Variants in WDFY2 observed in about 807,000 individuals in gnomAD.
WDFY2 encodes the protein WD repeat and FYVE domain containing 2.
WDFY2 carries 36 observed loss-of-function variants against 56.4 expected under a neutral mutation model. That is an observed-to-expected ratio of 0.64 (90% CI 0.49 to 0.84). The LOEUF (loss-of-function observed/expected upper bound fraction) is 0.84, where lower values mean the gene tolerates loss of function less well. Among genes scored for constraint, WDFY2 ranks in the 40% least tolerant of loss-of-function variants. The pLI is 0.00. For missense variants in WDFY2, 444 were observed against 512.2 expected (o/e 0.87, Z 1.29); for synonymous variants, 176 against 183.7 (o/e 0.96, Z 0.34).
intron 1 of WDFY2, among the ~76,000 whole-genome samples, chr13:51,653,907 G>A (rs969246600): frequency 1.3e-5 from 2 of 152,338 alleles, no homozygotes; most frequent in East Asian, 3.9e-4. Flanking sequence ...GCTGTGTGCT[G>A]GGAGAACCAC....
chr13:51,593,023 C>G (rs866920337), intron 1 of WDFY2, among the ~76,000 whole-genome samples: 3 of 152,206 alleles, frequency 2.0e-5, no homozygotes, highest in African/African-American at 7.2e-5. Flanking sequence ...TCCCTTAGCA[C>G]AGTGACTGTT....
At chr13:51,593,727 C>T (rs917143054) in intron 1 of WDFY2, among the ~76,000 whole-genome samples, 2 of 151,964 alleles carry the variant, frequency 1.3e-5, no homozygotes, top group African/African-American at 4.8e-5. Context: ...TCCATTTCTC[C>T]ATTGAAGTCT....
chr13:51,709,249 G>C (rs1308250985), intron 4 of WDFY2, among the ~76,000 whole-genome samples: 1 of 152,060 alleles, frequency 6.6e-6, no homozygotes, highest in Non-Finnish European at 1.5e-5. Context: ...TATTTATCAA[G>C]ACAGACAATA....
At chr13:51,741,013 G>A (rs1019658354) in intron 7 of WDFY2, among the ~76,000 whole-genome samples, 2 of 152,202 alleles carry the variant, frequency 1.3e-5, no homozygotes, top group Non-Finnish European at 2.9e-5. Flanking sequence ...TGGAAAATGT[G>A]GTTCTGGGAA....
At chr13:51,648,590 T>C (rs1250791478) in intron 1 of WDFY2, among the ~76,000 whole-genome samples, 1 of 152,084 alleles carries the variant, frequency 6.6e-6, no homozygotes, top group Non-Finnish European at 1.5e-5. Flanking sequence ...TTATCAAACA[T>C]CCGTTTTAAC....
chr13:51,680,719 A>C (rs553126415), intron 3 of WDFY2, among the ~76,000 whole-genome samples: 3 of 152,344 alleles, frequency 2.0e-5, no homozygotes, highest in African/African-American at 7.2e-5. Flanking sequence ...GTGGGAGATA[A>C]GAAAATATAA....
At chr13:51,633,639 G>T (rs936960835) in intron 1 of WDFY2, among the ~76,000 whole-genome samples, 1 of 152,170 alleles carries the variant, frequency 6.6e-6, no homozygotes, top group Non-Finnish European at 1.5e-5. Context: ...TAGCCAGTCA[G>T]TGGTGGAGAC....
chr13:51,690,830 T>C lies in WDFY2; in HGVS notation c.280-12766T>C, dbSNP rs191931961. Among the ~76,000 whole-genome samples, 499 of 152,348 alleles carry C rather than the reference T, an allele frequency of 3.3e-3. 3 individuals are homozygous for C. Among genetic ancestry groups the C allele is most frequent in the Non-Finnish European group, 5.7e-3 (387 of 68,028 alleles). ...CCCACCAACAGTGTAAAAGTGTTCC[T>C]ATTACTCCACACCCTCTCCAGCACC... On this transcript the variant is annotated intron_variant, in intron 3 of 11. Coordinates refer to ENST00000298125, the MANE Select transcript of WDFY2 (RefSeq NM_052950.4).
At position 51,764,567 on chromosome 13, in the gene WDFY2, A is replaced by G. The variant is rs997933937; in HGVS notation, c.*4798A>G. ...CTGCCATCCCAGAATTGAGCTCGTC[A>G]CTATCAGATGCTGCTGCTCCCTGGC... On this transcript the variant is annotated 3_prime_UTR_variant, in exon 12 of 12. Coordinates refer to ENST00000298125, the MANE Select transcript of WDFY2 (RefSeq NM_052950.4). The G allele has an allele frequency of 6.6e-6, 1 of 152,538 alleles. No individual in the cohort carries two copies. Among genetic ancestry groups the G allele is most frequent in the African/African-American group, 2.4e-5 (1 of 41,454 alleles). The allele number at this position is 152,538 out of a possible 1,614,324, so 9.4% of individuals were successfully genotyped here.
intron 1 of WDFY2, among the ~76,000 whole-genome samples, chr13:51,600,622 C>T (rs191372332): frequency 5.9e-5 from 9 of 152,244 alleles, no homozygotes; most frequent in African/African-American, 1.7e-4. Context: ...TGGCTAGGGT[C>T]AGCTGTTCAC....
intron 2 of WDFY2, among the ~76,000 whole-genome samples, chr13:51,666,221 T>G (rs1446700939): frequency 6.6e-6 from 1 of 152,214 alleles, no homozygotes; most frequent in Non-Finnish European, 1.5e-5. Flanking sequence ...TTTTCCCACT[T>G]GTGTTAGCCC....
intron 1 of WDFY2, among the ~76,000 whole-genome samples, chr13:51,652,215 T>A (rs1398358950): frequency 6.6e-6 from 1 of 152,238 alleles, no homozygotes; most frequent in African/African-American, 2.4e-5. Flanking sequence ...TATCAGAGAC[T>A]AGGATTGCAA....
chr13:51,744,269 G>T (rs1463700907), intron 7 of WDFY2, among the ~76,000 whole-genome samples: 1 of 152,206 alleles, frequency 6.6e-6, no homozygotes, highest in Non-Finnish European at 1.5e-5. Context: ...AATGAACAAT[G>T]CTATACATTT....
intron 7 of WDFY2, among the ~76,000 whole-genome samples, chr13:51,744,090 G>A (rs1953038120): frequency 6.6e-6 from 1 of 152,172 alleles, no homozygotes; most frequent in Admixed American, 6.5e-5. Context: ...TTTGGCTTGG[G>A]ATGACCCTAC....
At chr13:51,684,781 T>G (rs1016561284) in intron 3 of WDFY2, among the ~76,000 whole-genome samples, 1 of 152,170 alleles carries the variant, frequency 6.6e-6, no homozygotes, top group African/African-American at 2.4e-5. Flanking sequence ...TGGCCTTCTT[T>G]GTCTATTCCC....
At chr13:51,677,154 G>A (rs1955902542) in intron 3 of WDFY2, among the ~76,000 whole-genome samples, 1 of 152,154 alleles carries the variant, frequency 6.6e-6, no homozygotes, top group Admixed American at 6.5e-5. Flanking sequence ...AAACTGCCAG[G>A]GAAGCAAAGC....
chr13:51,628,619 CT>C (rs1264071846), intron 1 of WDFY2, among the ~76,000 whole-genome samples: 1 of 152,226 alleles, frequency 6.6e-6, no homozygotes, highest in African/African-American at 2.4e-5. Context: ...GGCACCCCCC[CT>C]GCTGCAGCCG....
rs552698758 is a variant in WDFY2, at chr13:51,720,839, T to A, written c.485+1491T>A. On this transcript the variant is annotated intron_variant, in intron 5 of 11. Coordinates refer to ENST00000298125, the MANE Select transcript of WDFY2 (RefSeq NM_052950.4). ...AGGAGCTCTCTGTGGCCTTTTTTTT[T>A]ATAAGGGCACTAATCCCATTCATGA... Among the ~76,000 whole-genome samples, 229 of 152,246 alleles carry A rather than the reference T, an allele frequency of 1.5e-3. 1 individual carries two copies. The highest frequency in any genetic ancestry group is 5.3e-3 in the African/African-American group (219 of 41,546).
intron 3 of WDFY2, among the ~76,000 whole-genome samples, chr13:51,689,210 G>C (rs1281002410): frequency 6.6e-6 from 1 of 152,150 alleles, no homozygotes; most frequent in Non-Finnish European, 1.5e-5. Context: ...CTTGCAGTCA[G>C]TGTTGGGGAA....
Sources: allele counts gnomAD v4.1 joint callset (sites outside exome capture counted in the v4.1 genomes callset), GRCh38; gene constraint gnomAD v4.1.1; transcripts MANE v1.5; gene names NCBI Gene and HGNC (gene_info 2026-07-23, HGNC 2026-07-21).